The following TBCK variants were observed in gnomAD, a reference collection of about 807,000 sequenced individuals.
TBCK encodes TBC domain-containing protein kinase-like protein.
TBCK carries 99 observed loss-of-function variants against 113.4 expected under a neutral mutation model. The ratio of observed to expected loss-of-function variants is 0.87; its 90% CI spans 0.74 to 1.03. The LOEUF (loss-of-function observed/expected upper bound fraction) is 1.03. Among genes scored for constraint, TBCK ranks in the 50% least tolerant of loss-of-function variants. The pLI is 0.00. For synonymous variants in TBCK, 369 were observed against 370.8 expected, an observed-to-expected ratio of 1.00 and a Z score of 0.05; for missense variants, 1,045 against 1,061.3, an observed-to-expected ratio of 0.98 and a Z score of 0.21.
intron 3 of TBCK, among the ~76,000 whole-genome samples, chr4:106,265,639 T>C (rs1478721676): frequency 6.6e-6 from 1 of 151,866 alleles, no homozygotes; most frequent in Non-Finnish European, 1.5e-5. Flanking sequence ...TCCTTGTCGA[T>C]AGATACTGTT....
At chr4:106,231,563 A>T (rs1192902815) in intron 18 of TBCK, among the ~76,000 whole-genome samples, 166 bp downstream of exon 18, 5 of 151,856 alleles carry the variant, frequency 3.3e-5, no homozygotes, top group African/African-American at 1.2e-4. Flanking sequence ...CTCCAGTAAT[A>T]AATTAATCCT....
intron 2 of TBCK, among the ~76,000 whole-genome samples, chr4:106,298,778 C>T (rs951550704): frequency 4.6e-5 from 7 of 152,144 alleles, no homozygotes; most frequent in African/African-American, 1.4e-4. Flanking sequence ...TTTGCTCTCA[C>T]GCCTCAAACT....
chr4:106,164,387 C>A (rs1750135662), intron 23 of TBCK: 1 of 151,890 alleles, frequency 6.6e-6, no homozygotes, highest in Admixed American at 6.6e-5. Context: ...TTTCCTTATA[C>A]TTACTGTAAA....
At chr4:106,139,345 T>C (rs1200586234) in intron 23 of TBCK, among the ~76,000 whole-genome samples, 1 of 141,870 alleles carries the variant, frequency 7.0e-6, no homozygotes, top group African/African-American at 2.5e-5. Context: ...TTCTGGGAAA[T>C]ATTCAGCTAA....
intron 19 of TBCK, among the ~76,000 whole-genome samples, chr4:106,225,448 G>T (rs1363222181): frequency 1.3e-5 from 2 of 152,038 alleles, no homozygotes; most frequent in Non-Finnish European, 2.9e-5. Context: ...CTAAAGAACA[G>T]TCTTTTTGGT....
chr4:106,094,230 G>A (rs1740657492), intron 25 of TBCK, among the ~76,000 whole-genome samples: 2 of 152,058 alleles, frequency 1.3e-5, no homozygotes, highest in Admixed American at 1.3e-4. Context: ...GTATTTTCAT[G>A]TTTCCTTTTT....
intron 24 of TBCK, among the ~76,000 whole-genome samples, chr4:106,103,495 A>G (rs971994836): frequency 1.3e-5 from 2 of 152,196 alleles, no homozygotes; most frequent in African/African-American, 4.8e-5. Context: ...CACCTGTAAA[A>G]TAGTGTAAAA....
intron 3 of TBCK, among the ~76,000 whole-genome samples, chr4:106,264,707 T>C (rs1263574645): frequency 6.6e-6 from 1 of 152,010 alleles, no homozygotes; most frequent in Non-Finnish European, 1.5e-5. Flanking sequence ...ACGGATACCA[T>C]AATTTTATAA....
chr4:106,065,019 G>A (rs1306750665), intron 25 of TBCK, among the ~76,000 whole-genome samples: 3 of 151,992 alleles, frequency 2.0e-5, no homozygotes, highest in Non-Finnish European at 4.4e-5. Flanking sequence ...TATGTTAGAA[G>A]TAGGGTAATG....
At chr4:106,133,208 G>A (rs1321256710) in intron 23 of TBCK, among the ~76,000 whole-genome samples, 2 of 152,134 alleles carry the variant, frequency 1.3e-5, no homozygotes, top group East Asian at 3.9e-4. Flanking sequence ...GGGTCAGGTG[G>A]AAATAATTGA....
At chr4:106,252,201 G>A (rs78183977) in intron 5 of TBCK, among the ~76,000 whole-genome samples, 194 bp from the exon 6 acceptor site, 5,683 of 152,026 alleles carry the variant, frequency 0.037, 163 homozygotes, top group Middle Eastern at 0.071. Flanking sequence ...ATATACACAA[G>A]TCTGAAATAG....
intron 20 of TBCK, among the ~76,000 whole-genome samples, chr4:106,197,411 G>GTA (rs1553957897): frequency 0.3 from 37,039 of 121,900 alleles, 5,739 homozygotes; most frequent in African/African-American, 0.33. Flanking sequence ...GTGTGTGTGT[G>GTA]TATATATATA....
At chr4:106,241,828 C>A (rs1760179788) in intron 12 of TBCK, among the ~76,000 whole-genome samples, 1 of 151,112 alleles carries the variant, frequency 6.6e-6, no homozygotes, top group Non-Finnish European at 1.5e-5. Flanking sequence ...CTTGCTATTA[C>A]TTTAAATAAG....
chr4:106,131,754 T>C (rs1021427595), intron 23 of TBCK, among the ~76,000 whole-genome samples: 2 of 151,912 alleles, frequency 1.3e-5, no homozygotes, highest in Non-Finnish European at 2.9e-5. Flanking sequence ...CAGAAGAAGA[T>C]GGAAAAAGGT....
intron 1 of TBCK, among the ~76,000 whole-genome samples, chr4:106,313,754 G>A (rs944522125): frequency 2.6e-5 from 4 of 152,220 alleles, no homozygotes; most frequent in African/African-American, 9.6e-5. Context: ...GCTTCTATGT[G>A]CATCATACAA....
chr4:106,236,464 G>C lies in TBCK; in HGVS notation c.1276C>G (p.Leu426Val). Reference protein sequence around the residue: ...SNNELSAAATLPLIIREKDTE... With the variant: ...SNNELSAAATVPLIIREKDTE... ...TCCTTCTCTCTGATGATTAAAGGGA[G>C]CGTGGCAGCTGCAGACAACTCATTA... is the stretch of plus-strand genomic sequence containing the variant. Residue 426 changes from leucine (L) to valine (V), a missense_variant, in exon 14 of 26, where the codon CTC becomes GTC. Transcript: ENST00000394708. 6.3e-7 allele frequency: 1 copy of C among 1,581,468 alleles called. No homozygotes were observed. Among genetic ancestry groups the C allele is most frequent in the Non-Finnish European group, 8.6e-7 (1 of 1,162,666 alleles).
chr4:106,293,149 G>A (rs934242651), intron 3 of TBCK, among the ~76,000 whole-genome samples: 3 of 152,164 alleles, frequency 2.0e-5, no homozygotes, highest in Admixed American at 2.0e-4. Flanking sequence ...TGTGCTAGAA[G>A]AGGATCAACT....
intron 19 of TBCK, among the ~76,000 whole-genome samples, chr4:106,220,642 T>C (rs930603481): frequency 1.3e-5 from 2 of 152,170 alleles, no homozygotes; most frequent in Non-Finnish European, 2.9e-5. Context: ...AGTAATACTT[T>C]TTCTTGACTT....
chr4:106,218,697 G>A (rs201709394), intron 19 of TBCK, among the ~76,000 whole-genome samples: 11,060 of 95,666 alleles, frequency 0.12, 241 homozygotes, highest in Middle Eastern at 0.18. Flanking sequence ...TTAGAATGGC[G>A]ATCATTAAAA....
Sources: gnomAD v4.1 joint callset for allele counts (sites outside exome capture counted in the v4.1 genomes callset) on GRCh38, gnomAD v4.1.1 for gene constraint, MANE v1.5 for transcripts, NCBI Gene and HGNC (gene_info 2026-07-23, HGNC 2026-07-21) for gene names.